The following CAPN11 variants were observed in gnomAD, a reference collection of about 807,000 sequenced individuals.
CAPN11 encodes the protein calpain-11.
CAPN11 carries 108 observed loss-of-function variants against 105.3 expected under a neutral mutation model. The observed-to-expected ratio is 1.03, with a 90% CI of 0.88 to 1.20. CAPN11 has a LOEUF of 1.20. Ranked by LOEUF, CAPN11 falls within the 50% of genes most tolerant of loss-of-function variation. The pLI is 0.00. For missense variants in CAPN11, 883 were observed against 924.8 expected (o/e 0.95, Z 0.59); for synonymous variants, 329 against 344.5 (o/e 0.96, Z 0.50).
intron 12 of CAPN11, among the ~76,000 whole-genome samples, chr6:44,177,856 A>C (rs1218105363): frequency 1.3e-5 from 2 of 150,486 alleles, no homozygotes; most frequent in Non-Finnish European, 3.0e-5. Flanking sequence ...AACAGGCTTC[A>C]CAGCCCTGAT....
intron 19 of CAPN11, among the ~76,000 whole-genome samples, chr6:44,182,480 A>G (rs1773942302): frequency 6.6e-6 from 1 of 152,238 alleles, no homozygotes; most frequent in Non-Finnish European, 1.5e-5. Flanking sequence ...CCGACAACCC[A>G]TGCTTGGAAT....
chr6:44,166,822 A>T lies in CAPN11; in HGVS notation c.81A>T (p.Ser27=). The T allele has an allele frequency of 6.5e-7, 1 of 1,550,272 alleles. No homozygotes were observed. The highest frequency in any genetic ancestry group is 8.7e-7 in the Non-Finnish European group (1 of 1,145,728). The change falls in exon 2 of 23, where the codon TCA becomes TCT. Residue 27 remains serine (S), a synonymous_variant. Coordinates refer to ENST00000398776, the MANE Select transcript of CAPN11 (RefSeq NM_007058.4). ...CACAGGAGGATAAGCCTCGGGGCTC[A>T]TGTGCGGGTAGGACTGCAGACCCGT... is the stretch of plus-strand genomic sequence containing the variant. ...DGSQEDKPRG[S]CAEPTFTDTG...
chr6:44,162,871 T>C (rs1188666107), intron 1 of CAPN11, among the ~76,000 whole-genome samples: 1 of 152,088 alleles, frequency 6.6e-6, no homozygotes, highest in East Asian at 1.9e-4. Flanking sequence ...TAACACGAGT[T>C]AGGGTTTGCT....
At chr6:44,181,866 CACACACA>C (rs1773607541) in intron 19 of CAPN11, among the ~76,000 whole-genome samples, 1 of 87,118 alleles carries the variant, frequency 1.1e-5, no homozygotes, top group African/African-American at 3.8e-5. Context: ...CCACACCACA[CACACACA>C]TACACACTCA....
In CAPN11 at chr6:44,180,035, C is replaced by T; in HGVS notation, c.1512C>T (p.Asn504=). ...QDHGFSEIFT[N]SREVSSQLRL... ...ACGGCTTCTCAGAGATCTTCACCAACTCACGGGAGGTGAGCAGCCAACTCC... is the reference window on the plus strand; with the variant it reads ...ACGGCTTCTCAGAGATCTTCACCAATTCACGGGAGGTGAGCAGCCAACTCC... The change falls in exon 14 of 23, where the codon AAC becomes AAT. Residue 504 remains asparagine, a synonymous_variant. Coordinates refer to ENST00000398776, the MANE Select transcript of CAPN11 (RefSeq NM_007058.4). 6.2e-7 allele frequency: 1 copy of T among 1,613,694 alleles called. No individual in the cohort carries two copies. The highest frequency in any genetic ancestry group is 2.2e-5 in the East Asian group (1 of 44,872).
In CAPN11 at chr6:44,163,367, C is replaced by G. The variant is rs1561837711; in HGVS notation, c.17-3391C>G. 2.0e-5 allele frequency among the ~76,000 whole-genome samples: 3 copies of G among 152,180 alleles called. No homozygotes were observed. The South Asian group carries it at 6.2e-4, about 31-fold the overall frequency. ...GGGAAGTGACTTCACAAAGACCACACACAAGTTGCAGTACAATGGACGAAG... is the reference window on the plus strand; with the variant it reads ...GGGAAGTGACTTCACAAAGACCACAGACAAGTTGCAGTACAATGGACGAAG... On this transcript the variant is annotated intron_variant, in intron 1 of 22. Coordinates refer to ENST00000398776, the MANE Select transcript of CAPN11 (RefSeq NM_007058.4).
At chr6:44,169,858 G>C (rs1243550299) in intron 3 of CAPN11, 48 bp from the exon 4 acceptor site, 1 of 1,392,266 alleles carries the variant, frequency 7.2e-7, no homozygotes, top group Admixed American at 1.9e-5. Context: ...GAGAAAGGTG[G>C]GGAGGGGGTG....
At chr6:44,174,207 G>T (rs1771536712) in intron 7 of CAPN11, among the ~76,000 whole-genome samples, 1 of 152,124 alleles carries the variant, frequency 6.6e-6, no homozygotes, top group African/African-American at 2.4e-5. Context: ...AATGTTTACA[G>T]CAACTTTATT....
In CAPN11 at chr6:44,184,013, A is replaced by G. The variant is rs1293526949; in HGVS notation, c.*81A>G. 2 of 1,473,136 alleles carry G rather than the reference A, an allele frequency of 1.4e-6. No homozygotes were observed. Among genetic ancestry groups the G allele is most frequent in the East Asian group, 4.9e-5 (2 of 40,484 alleles). 91.3% of individuals were successfully genotyped at this position (1,473,136 alleles called of 1,614,324 possible). Reference sequence around the variant, plus strand: ...CCCAGGAGGGTGGGGTGCTTCTTGTAGCCCTCAGCTCTCCGGTCTCTGCTG... The same window carrying G: ...CCCAGGAGGGTGGGGTGCTTCTTGTGGCCCTCAGCTCTCCGGTCTCTGCTG... On this transcript the variant is annotated 3_prime_UTR_variant, in exon 23 of 23. Coordinates refer to ENST00000398776, the MANE Select transcript of CAPN11 (RefSeq NM_007058.4).
intron 4 of CAPN11, among the ~76,000 whole-genome samples, 193 bp from the exon 5 acceptor site, chr6:44,172,109 G>A (rs866841816): frequency 3.9e-5 from 6 of 152,074 alleles, no homozygotes; most frequent in Non-Finnish European, 7.4e-5. Flanking sequence ...GAGTCTCTCC[G>A]CCTTCAGTTT....
chr6:44,176,153 T>C lies in CAPN11; in HGVS notation c.915+2T>C. ...TACTCTGTGACTGGCCTTCAGGATG[T>C]GAGTCCTGAGAAATGCGCCCTACCC... On this transcript the variant is annotated splice_donor_variant, in intron 8 of 22. Coordinates refer to ENST00000398776, the MANE Select transcript of CAPN11 (RefSeq NM_007058.4). LOFTEE classifies it high-confidence loss of function. The C allele has an allele frequency of 6.3e-7, 1 of 1,586,340 alleles. No homozygotes were observed. The highest frequency in any genetic ancestry group is 8.6e-7 in the Non-Finnish European group (1 of 1,158,336).
At position 44,181,299 on chromosome 6, in the gene CAPN11, GA is replaced by G; in HGVS notation, c.1923del (p.Lys641AsnfsTer20). The G allele has an allele frequency of 6.2e-7, 1 of 1,613,440 alleles. No individual in the cohort carries two copies. The highest frequency in any genetic ancestry group is 8.5e-7 in the Non-Finnish European group (1 of 1,179,592). ...LGLLEFKILW[K>X]KLKKWMDIFR... The stretch of plus-strand genomic sequence containing the variant: ...GGCTTCTAGAGTTCAAGATCCTGTG[GA>G]AAAAACTCAAGAAATGGATGGTAAA... On this transcript the variant is annotated frameshift_variant, in exon 19 of 23. Coordinates refer to ENST00000398776, the MANE Select transcript of CAPN11 (RefSeq NM_007058.4). LOFTEE classifies it high-confidence loss of function.
At chr6:44,178,771 A>T (rs1772609264) in intron 12 of CAPN11, among the ~76,000 whole-genome samples, 1 of 150,948 alleles carries the variant, frequency 6.6e-6, no homozygotes, top group South Asian at 2.1e-4. Context: ...AAAAAAAAAA[A>T]AATTAGCCGG....
chr6:44,176,411 C>A, intron 9 of CAPN11, 73 bp downstream of exon 9: 1 of 1,406,318 alleles, frequency 7.1e-7, no homozygotes, highest in East Asian at 2.3e-5. Flanking sequence ...CGACTGGTGT[C>A]CCATCTAGGA....
At position 44,183,167 on chromosome 6, in the gene CAPN11, C is replaced by A. The variant is rs755806655; in HGVS notation, c.2066C>A (p.Ala689Glu). Reference protein sequence around the residue: ...KVMQVLVARYADDDLIIDFDS... With the variant: ...KVMQVLVARYEDDDLIIDFDS... The stretch of plus-strand genomic sequence containing the variant: ...ATGCAGGTCCTGGTGGCCAGGTATG[C>A]AGATGATGACCTGATCATAGACTTT... The change falls in exon 21 of 23, where the codon GCA becomes GAA. Residue 689 changes from alanine to glutamate, a missense_variant. Ala to Glu is a moderately radical substitution (Grantham distance 107). Transcript: ENST00000398776. The A allele has an allele frequency of 1.1e-5, 18 of 1,613,522 alleles. No individual in the cohort carries two copies. The South Asian group carries it at 1.8e-4, about 16-fold the overall frequency.
At chr6:44,180,196 G>T (rs769777762) in intron 14 of CAPN11, 33 bp downstream of exon 14, 5 of 1,476,320 alleles carry the variant, frequency 3.4e-6, no homozygotes, top group Non-Finnish European at 4.7e-6. Flanking sequence ...TCCAAGGCCC[G>T]CCACCCAAGA....
At chr6:44,164,066 T>A (rs1010483218) in intron 1 of CAPN11, among the ~76,000 whole-genome samples, 2 of 152,062 alleles carry the variant, frequency 1.3e-5, no homozygotes, top group East Asian at 3.9e-4. Context: ...GCTGGTCTCG[T>A]GAGGCTGAGG....
intron 1 of CAPN11, chr6:44,161,737 T>C (rs1195591440): frequency 2.9e-5 from 13 of 455,380 alleles, no homozygotes; most frequent in Non-Finnish European, 5.7e-5. Flanking sequence ...TGGCCTGCCC[T>C]CTGATGTTCT....
Position 44,183,753 on chromosome 6 carries a change from G to A in CAPN11, c.2183G>A (p.Ser728Asn), listed in dbSNP as rs7761137. 0.24 allele frequency: 387,759 copies of A among 1,612,716 alleles called. 52,017 individuals are homozygous for A. The highest frequency in any genetic ancestry group is 0.53 in the African/African-American group (40,022 of 74,840). Residue 728 changes from serine (S) to asparagine (N), a missense_variant, in exon 22 of 23, where the codon AGC (serine) becomes AAC (asparagine). Coordinates refer to ENST00000398776, the MANE Select transcript of CAPN11 (RefSeq NM_007058.4). ...AAGAATACTGGCCATATTTGCTTGA[G>A]CCTGGAACAGGTACTTGGAGAAGGG... is the stretch of plus-strand genomic sequence containing the variant. Reference protein sequence around the residue: ...DPKNTGHICLSLEQWLQMTMW... With the variant: ...DPKNTGHICLNLEQWLQMTMW...
Sources: gnomAD v4.1 joint callset for allele counts (sites outside exome capture counted in the v4.1 genomes callset) on GRCh38, gnomAD v4.1.1 for gene constraint, MANE v1.5 for transcripts, NCBI Gene and HGNC (gene_info 2026-07-23, HGNC 2026-07-21) for gene names.